NELL2: variants seen among roughly 807,000 people sequenced by gnomAD.
NELL2 encodes the protein neural EGFL like 2.
In NELL2, 41 loss-of-function variants were observed where a neutral mutation model predicts 109.6. That is an observed-to-expected ratio of 0.37 (90% CI 0.29 to 0.49). The LOEUF is 0.49. Ranked by LOEUF, NELL2 falls within the 20% of genes least tolerant of loss-of-function variation. NELL2 has a pLI of 0.98. For synonymous variants in NELL2, 355 were observed against 344.7 expected (o/e 1.03, Z -0.33); for missense variants, 900 against 1,008.3 (o/e 0.89, Z 1.45).
chr12:44,720,660 T>C (rs1303850294), intron 9 of NELL2, among the ~76,000 whole-genome samples: 1 of 152,182 alleles, frequency 6.6e-6, no homozygotes, highest in Non-Finnish European at 1.5e-5. Context: ...TTTTTGTGAG[T>C]CAATGCTATT....
intron 3 of NELL2, among the ~76,000 whole-genome samples, chr12:44,802,216 T>C (rs1942855855): frequency 6.6e-6 from 1 of 152,112 alleles, no homozygotes; most frequent in Non-Finnish European, 1.5e-5. Context: ...TTGAAAAGAT[T>C]CTGTCGTGTA....
intron 12 of NELL2, among the ~76,000 whole-genome samples, chr12:44,670,941 T>A (rs141733756): frequency 4.3e-4 from 66 of 152,290 alleles, no homozygotes; most frequent in African/African-American, 1.3e-3. Context: ...CACTACATAC[T>A]ACATGGAGTT....
At chr12:44,549,317 T>C (rs116849735) in intron 15 of NELL2, among the ~76,000 whole-genome samples, 4,775 of 152,228 alleles carry the variant, frequency 0.031, 119 homozygotes, top group Non-Finnish European at 0.047. Flanking sequence ...AGAAAGCAGA[T>C]GTGGCACTGC....
chr12:44,593,578 T>C (rs755492087), intron 15 of NELL2, among the ~76,000 whole-genome samples: 6 of 152,228 alleles, frequency 3.9e-5, no homozygotes, highest in Non-Finnish European at 7.3e-5. Context: ...TGTGTCTTTA[T>C]AGTAGAATGA....
intron 13 of NELL2, among the ~76,000 whole-genome samples, chr12:44,632,950 T>C (rs1946508845): frequency 1.3e-5 from 2 of 151,906 alleles, no homozygotes; most frequent in South Asian, 4.1e-4. Context: ...CACTAGTGGA[T>C]AGGACTACCA....
chr12:44,646,050 AG>A lies in NELL2; in HGVS notation c.1444+19433del, dbSNP rs571852856. On this transcript the variant is annotated intron_variant, in intron 13 of 19. Coordinates refer to ENST00000429094, the MANE Select transcript of NELL2 (RefSeq NM_001145108.2). ...TTCTACCTCCCTTCATAGATTATAA[AG>A]TCTGCAAGGGTATGTCTTTTTTTTT... 6.7e-3 allele frequency among the ~76,000 whole-genome samples: 1,016 copies of A among 152,210 alleles called. 5 individuals are homozygous for A. The highest frequency in any genetic ancestry group is 0.011 in the Non-Finnish European group (766 of 67,990).
intron 15 of NELL2, among the ~76,000 whole-genome samples, chr12:44,571,575 C>G (rs1435958094): frequency 2.0e-5 from 3 of 152,178 alleles, no homozygotes; most frequent in Admixed American, 2.0e-4. Flanking sequence ...CAGAAGAGTT[C>G]TTGCCACATC....
intron 15 of NELL2, among the ~76,000 whole-genome samples, chr12:44,600,672 T>C (rs1471053277): frequency 1.3e-5 from 2 of 152,218 alleles, no homozygotes; most frequent in Non-Finnish European, 2.9e-5. Flanking sequence ...ACCCAGACTT[T>C]TACAAATTAA....
At chr12:44,799,228 G>A (rs569640847) in intron 3 of NELL2, among the ~76,000 whole-genome samples, 1 of 151,980 alleles carries the variant, frequency 6.6e-6, no homozygotes, top group Non-Finnish European at 1.5e-5. Context: ...AAAGTGCTGG[G>A]ACTACAGGTG....
intron 2 of NELL2, among the ~76,000 whole-genome samples, chr12:44,868,361 C>G (rs1945067933): frequency 6.6e-6 from 1 of 152,040 alleles, no homozygotes; most frequent in African/African-American, 2.4e-5. Context: ...CCACACTATC[C>G]AAAATGATCT....
chr12:44,786,282 A>G (rs951304576), intron 3 of NELL2, among the ~76,000 whole-genome samples: 1 of 152,224 alleles, frequency 6.6e-6, no homozygotes, highest in Non-Finnish European at 1.5e-5. Flanking sequence ...AAAAAAGTTC[A>G]TATTACTGGT....
chr12:44,774,537 C>A (rs371683256), intron 9 of NELL2: 7 of 538,832 alleles, frequency 1.3e-5, no homozygotes, highest in Non-Finnish European at 2.3e-5. Context: ...ATAGATTACT[C>A]CAAGAAAAAA....
At chr12:44,827,267 CA>C (rs1370585820) in intron 2 of NELL2, among the ~76,000 whole-genome samples, 17 of 152,186 alleles carry the variant, frequency 1.1e-4, no homozygotes, top group African/African-American at 4.1e-4. Flanking sequence ...ATGGGGTATC[CA>C]TCACCTCAAG....
chr12:44,692,189 A>G (rs983301511), intron 12 of NELL2, among the ~76,000 whole-genome samples: 8 of 152,176 alleles, frequency 5.3e-5, no homozygotes, highest in Non-Finnish European at 1.2e-4. Flanking sequence ...AGTTGAAGCC[A>G]TTGCTCATTG....
At chr12:44,687,943 A>C (rs148271317) in intron 12 of NELL2, among the ~76,000 whole-genome samples, 1 of 152,316 alleles carries the variant, frequency 6.6e-6, no homozygotes, top group East Asian at 1.9e-4. Context: ...GCATCACATA[A>C]GATACCTGCA....
At chr12:44,821,575 A>C (rs1943543891) in intron 2 of NELL2, among the ~76,000 whole-genome samples, 1 of 152,222 alleles carries the variant, frequency 6.6e-6, no homozygotes, top group African/African-American at 2.4e-5. Flanking sequence ...TTTCATCTCA[A>C]GGATTACATA....
chr12:44,663,683 T>C (rs1404622807), intron 13 of NELL2, among the ~76,000 whole-genome samples: 1 of 152,196 alleles, frequency 6.6e-6, no homozygotes, highest in Non-Finnish European at 1.5e-5. Context: ...GGAAGGAAAG[T>C]GCACTGGGAG....
At chr12:44,795,735 A>C (rs148362890) in intron 3 of NELL2, among the ~76,000 whole-genome samples, 2,195 of 152,230 alleles carry the variant, frequency 0.014, 52 homozygotes, top group African/African-American at 0.05. Context: ...TGAAATATAA[A>C]GAGTGAACTA....
intron 2 of NELL2, among the ~76,000 whole-genome samples, chr12:44,861,248 A>C (rs1184692663): frequency 6.6e-6 from 1 of 152,210 alleles, no homozygotes; most frequent in African/African-American, 2.4e-5. Flanking sequence ...AAAAATGAGC[A>C]CTTGACTTTG....
Sources: allele counts gnomAD v4.1 joint callset (sites outside exome capture counted in the v4.1 genomes callset), GRCh38; gene constraint gnomAD v4.1.1; transcripts MANE v1.5; gene names NCBI Gene and HGNC (gene_info 2026-07-23, HGNC 2026-07-21).